The following ATP10B variants were observed in gnomAD, a reference collection of about 807,000 sequenced individuals.
The protein encoded by ATP10B is ATPase phospholipid transporting 10B (putative).
Under a neutral mutation model 141.2 loss-of-function variants are expected in ATP10B, and 122 were observed. That is an observed-to-expected ratio of 0.86 (90% CI 0.75 to 1.00). The LOEUF is 1.00. Ranked by LOEUF, ATP10B falls within the 50% of genes least tolerant of loss-of-function variation. The pLI is 0.00. For synonymous variants in ATP10B, 685 were observed against 692.0 expected (o/e 0.99, Z 0.16); for missense variants, 1,876 against 1,825.3 (o/e 1.03, Z -0.51).
chr5:160,621,257 A>G (rs1758332555), intron 14 of ATP10B, among the ~76,000 whole-genome samples: 1 of 152,182 alleles, frequency 6.6e-6, no homozygotes, highest in African/African-American at 2.4e-5. Flanking sequence ...CATCCTCCCA[A>G]TAATTCTGTG....
chr5:160,656,608 T>A (rs1363195), intron 7 of ATP10B, among the ~76,000 whole-genome samples: 4,533 of 152,312 alleles, frequency 0.03, 215 homozygotes, highest in African/African-American at 0.099. Flanking sequence ...CATTTACCAC[T>A]TCACTAGATT....
intron 24 of ATP10B, among the ~76,000 whole-genome samples, chr5:160,583,520 G>A (rs1269838909): frequency 6.6e-6 from 1 of 152,218 alleles, no homozygotes; most frequent in African/African-American, 2.4e-5. Context: ...AGGAAGCACA[G>A]GGGTCAGGGA....
chr5:160,677,925 G>A (rs1210474455), intron 6 of ATP10B, among the ~76,000 whole-genome samples: 2 of 152,168 alleles, frequency 1.3e-5, no homozygotes, highest in Non-Finnish European at 2.9e-5. Context: ...TTTATTAACA[G>A]CTGTACAAAT....
intron 15 of ATP10B, among the ~76,000 whole-genome samples, chr5:160,619,732 G>C (rs1758217109): frequency 6.6e-6 from 1 of 152,168 alleles, no homozygotes; most frequent in Admixed American, 6.5e-5. Flanking sequence ...CTGATATGTA[G>C]GGACTTTGGA....
chr5:160,584,456 A>T (rs1755757974), intron 24 of ATP10B, among the ~76,000 whole-genome samples: 1 of 152,172 alleles, frequency 6.6e-6, no homozygotes, highest in African/African-American at 2.4e-5. Context: ...TAGGAACTGC[A>T]GGCTGGAGCT....
chr5:160,802,745 C>T (rs1056508196), intron 1 of ATP10B, among the ~76,000 whole-genome samples: 6 of 152,122 alleles, frequency 3.9e-5, no homozygotes, highest in Admixed American at 6.6e-5. Context: ...GGAGACTGTA[C>T]ATTAGGGGGC....
At position 160,604,038 on chromosome 5, in the gene ATP10B, T is replaced by A; in HGVS notation, c.3164A>T (p.Asp1055Val). The A allele has an allele frequency of 6.2e-7, 1 of 1,613,810 alleles. No homozygotes were observed. The highest frequency in any genetic ancestry group is 1.1e-5 in the South Asian group (1 of 91,066). Residue 1055 changes from aspartate (D) to valine (V), a missense_variant, in exon 20 of 26, where the codon GAT becomes GTT. Coordinates refer to ENST00000327245, the MANE Select transcript of ATP10B (RefSeq NM_025153.3). ...AATCATGCTTACATCATTTGCTCCATCACCTGAAAGAGAGGTCATAACGTG... is the reference window on the plus strand; with the variant it reads ...AATCATGCTTACATCATTTGCTCCAACACCTGAAAGAGAGGTCATAACGTG... Reference protein sequence around the residue: ...KLRVMTLSIGDGANDVSMIQA... With the variant: ...KLRVMTLSIGVGANDVSMIQA...
chr5:160,599,453 G>A (rs184839371), intron 21 of ATP10B, among the ~76,000 whole-genome samples: 56 of 152,252 alleles, frequency 3.7e-4, no homozygotes, highest in Middle Eastern at 3.4e-3. Flanking sequence ...GTGTGACCTT[G>A]GACAAACTAC....
chr5:160,852,350 A>G (rs1003002478), upstream of ATP10B: 1 of 152,206 alleles, frequency 6.6e-6, no homozygotes, highest in East Asian at 1.9e-4. Context: ...TGAGCCAGCA[A>G]TATCAAAATT....
chr5:160,925,878 A>C, the ATP10B span, among the ~76,000 whole-genome samples: 1 of 152,216 alleles, frequency 6.6e-6, no homozygotes, highest in South Asian at 2.1e-4. Flanking sequence ...ATGGTGAATA[A>C]AAGTGCACAG....
intron 14 of ATP10B, among the ~76,000 whole-genome samples, chr5:160,621,431 C>A (rs572040200): frequency 1.1e-4 from 16 of 152,076 alleles, no homozygotes; most frequent in African/African-American, 3.6e-4. Flanking sequence ...AGCTGAAGCT[C>A]CCAGCCAGCT....
chr5:160,898,637 T>C, the ATP10B span, among the ~76,000 whole-genome samples: 4 of 152,154 alleles, frequency 2.6e-5, no homozygotes, highest in African/African-American at 9.7e-5. Flanking sequence ...CAGCAATCCC[T>C]TTACTGGGTA....
chr5:160,681,335 A>G (rs1367221293), intron 6 of ATP10B, among the ~76,000 whole-genome samples: 2 of 152,240 alleles, frequency 1.3e-5, no homozygotes, highest in African/African-American at 4.8e-5. Flanking sequence ...AAATTTCACA[A>G]AAGTGGAAAC....
intron 15 of ATP10B, among the ~76,000 whole-genome samples, chr5:160,618,376 G>A (rs1758145242): frequency 6.6e-6 from 1 of 152,164 alleles, no homozygotes; most frequent in Admixed American, 6.5e-5. Context: ...GGTGTTTTTA[G>A]TTGATCTCTG....
At chr5:160,864,915 A>G in the ATP10B span, among the ~76,000 whole-genome samples, 12 of 152,124 alleles carry the variant, frequency 7.9e-5, no homozygotes, top group Admixed American at 2.0e-4. Context: ...ACACTGCTGA[A>G]AGAAATAATA....
At chr5:160,879,829 C>G in the ATP10B span, among the ~76,000 whole-genome samples, 1 of 152,104 alleles carries the variant, frequency 6.6e-6, no homozygotes, top group Non-Finnish European at 1.5e-5. Context: ...CAGAGCAAGA[C>G]TCCATCCAAA....
At chr5:160,571,933 C>A (rs948955463) in intron 24 of ATP10B, among the ~76,000 whole-genome samples, 2 of 152,182 alleles carry the variant, frequency 1.3e-5, no homozygotes, top group Admixed American at 6.5e-5. Flanking sequence ...GGGTGTACTT[C>A]TGAGTATATC....
At chr5:160,792,605 G>A (rs139760406) in intron 1 of ATP10B, among the ~76,000 whole-genome samples, 72 of 152,190 alleles carry the variant, frequency 4.7e-4, no homozygotes, top group Non-Finnish European at 8.4e-4. Flanking sequence ...CCCAGAGATG[G>A]AACCCACATG....
chr5:160,717,853 C>A (rs73798526), intron 2 of ATP10B, among the ~76,000 whole-genome samples: 1 of 152,138 alleles, frequency 6.6e-6, no homozygotes, highest in Non-Finnish European at 1.5e-5. Flanking sequence ...ACACACCCTG[C>A]TCCATCTCCT....
Sources: allele counts gnomAD v4.1 joint callset (sites outside exome capture counted in the v4.1 genomes callset), GRCh38; gene constraint gnomAD v4.1.1; transcripts MANE v1.5; gene names NCBI Gene and HGNC (gene_info 2026-07-23, HGNC 2026-07-21).